Variants in SMARCA4 observed in about 807,000 individuals in gnomAD.
The protein encoded by SMARCA4 is SWI/SNF-related matrix-associated actin-dependent regulator of chromatin subfamily A member 4.
Under a neutral mutation model 193.9 loss-of-function variants are expected in SMARCA4, and 31 were observed. The ratio of observed to expected loss-of-function variants is 0.16; its 90% CI spans 0.12 to 0.22. The LOEUF (loss-of-function observed/expected upper bound fraction) is 0.22, where lower values mean the gene tolerates loss of function less well. Ranked by LOEUF, SMARCA4 falls within the 10% of genes least tolerant of loss-of-function variation. The pLI, the probability that SMARCA4 is intolerant of heterozygous loss-of-function variation, is 1.00. For missense variants in SMARCA4, 1,148 were observed against 2,296.0 expected, an observed-to-expected ratio of 0.50 and a Z score of 10.22; for synonymous variants, 942 against 933.1, an observed-to-expected ratio of 1.01 and a Z score of -0.17.
At position 11,062,112 on chromosome 19, in the gene SMARCA4, C is replaced by T. The variant is rs1204409948; in HGVS notation, c.*296C>T. ...TTTTCCGTTGCTGGCAGTACTGTTGCGCCGCAGTTTGGAGTCACTGTAGTT... is the reference window on the plus strand; with the variant it reads ...TTTTCCGTTGCTGGCAGTACTGTTGTGCCGCAGTTTGGAGTCACTGTAGTT... On this transcript the variant is annotated 3_prime_UTR_variant, in exon 35 of 35. Transcript: ENST00000344626. 4 of 505,858 alleles carry T rather than the reference C, an allele frequency of 7.9e-6. No homozygotes were observed. The highest frequency in any genetic ancestry group is 3.4e-5 in the East Asian group (1 of 29,690). 31.3% of individuals were successfully genotyped at this position (505,858 alleles called of 1,614,324 possible). A position where few individuals can be genotyped will look rare whatever the true frequency, so the allele number is the denominator to read the frequency against.
chr19:10,982,007 T>A (rs915867568), intron 1 of SMARCA4, among the ~76,000 whole-genome samples: 10 of 151,782 alleles, frequency 6.6e-5, no homozygotes, highest in African/African-American at 2.4e-4. Context: ...AACCCCTACC[T>A]TTCAAATTAA....
Position 11,033,514 on chromosome 19 carries a change from T to G in SMARCA4, c.3771T>G (p.Asp1257Glu). 1 of 1,611,882 alleles carries G rather than the reference T, an allele frequency of 6.2e-7. No individual in the cohort carries two copies. The highest frequency in any genetic ancestry group is 8.5e-7 in the Non-Finnish European group (1 of 1,178,964). ...CCATCCTGGAGCACGAGGAGCAGGATGAGGTGAGCCCAGCACCGGCCCCGA... is the reference window on the plus strand; with the variant it reads ...CCATCCTGGAGCACGAGGAGCAGGAGGAGGTGAGCCCAGCACCGGCCCCGA... The part of the protein sequence containing the change: ...LQAILEHEEQ[D>E]ESRHCSTGSG... The change falls in exon 26 of 35, where the codon GAT becomes GAG. Residue 1257 changes from aspartate to glutamate, a missense_variant. Transcript: ENST00000344626. The surrounding 1 kb of genome is among the most constrained non-coding windows in gnomAD (Gnocchi z 9.8).
intron 14 of SMARCA4, 38 bp downstream of exon 14, chr19:11,008,061 C>T (rs2146195823): frequency 6.2e-7 from 1 of 1,604,012 alleles, no homozygotes; most frequent in Non-Finnish European, 8.5e-7. Context: ...GTGCCAGCTT[C>T]CTGTGAGGTG....
Position 11,037,212 on chromosome 19 carries a change from T to C in SMARCA4, c.4170+2080T>C, listed in dbSNP as rs2075317304. On this transcript the variant is annotated intron_variant, in intron 29 of 34. Transcript: ENST00000344626. The stretch of plus-strand genomic sequence containing the variant: ...TTGCCGGAACAATGTTAGTTCTCTA[T>C]TTAACCTTTTGAGGGACCCCAGCCT... 3.3e-5 allele frequency among the ~76,000 whole-genome samples: 5 copies of C among 152,378 alleles called. No individual in the cohort carries two copies. The South Asian group carries it at 1.0e-3, about 32-fold the overall frequency.
At position 10,984,329 on chromosome 19, in the gene SMARCA4, G is replaced by T. The variant is rs1307434805; in HGVS notation, c.178G>T (p.Gly60Trp). The T allele has an allele frequency of 6.2e-7, 1 of 1,601,038 alleles. No individual in the cohort carries two copies. The highest frequency in any genetic ancestry group is 2.3e-5 in the East Asian group (1 of 44,130). Reference sequence around the variant, plus strand: ...AGCAGGACACCCCATCCCCACCCAGGGGCCTGGAGGGTACCCTCAGGACAA... The same window carrying T: ...AGCAGGACACCCCATCCCCACCCAGTGGCCTGGAGGGTACCCTCAGGACAA... ...PSAGHPIPTQ[G>W]PGGYPQDNMH... is the part of the protein sequence containing the mutation. Residue 60 changes from glycine (G) to tryptophan (W), a missense_variant, in exon 2 of 35, where the codon GGG becomes TGG. Around this residue, in one of 17 missense-constraint regions of SMARCA4, gnomAD observed 201 missense variants for 248.3 expected, o/e 0.81. Coordinates refer to ENST00000344626, the MANE Select transcript of SMARCA4 (RefSeq NM_003072.5). This position sits in a 1 kb window ranked among gnomAD's most constrained non-coding sequence, Gnocchi z 4.3.
chr19:11,034,829 C>A lies in SMARCA4; in HGVS notation c.3952-85C>A. The A allele has an allele frequency of 3.4e-6, 3 of 883,558 alleles. No individual in the cohort carries two copies. The highest frequency in any genetic ancestry group is 5.4e-6 in the Non-Finnish European group (3 of 551,136). The allele number at this position is 883,558 out of a possible 1,614,324, so 54.7% of individuals were successfully genotyped here. A position where few individuals can be genotyped will look rare whatever the true frequency, so the allele number is the denominator to read the frequency against. On this transcript the variant is annotated intron_variant, in intron 28 of 34. Coordinates refer to ENST00000344626, the MANE Select transcript of SMARCA4 (RefSeq NM_003072.5). This position sits in a 1 kb window ranked among gnomAD's most constrained non-coding sequence, Gnocchi z 7.0. ...TGGAGCCCCACGGGCAGAGAAAGGC[C>A]CTTCTGAACTCTCGGTGTTCTGGCT...
At position 11,021,624 on chromosome 19, in the gene SMARCA4, C is replaced by A. The variant is rs763719598; in HGVS notation, c.2617-101C>A. The stretch of plus-strand genomic sequence containing the variant: ...CTCTCCACCCAGCTGCGCTCTTCCA[C>A]CTGGAGCCTTCCTGGCTGCTGGGCG... On this transcript the variant is annotated intron_variant, in intron 18 of 34. Transcript: ENST00000344626. 4.8e-6 allele frequency: 7 copies of A among 1,449,762 alleles called. No individual in the cohort carries two copies. In the African/African-American group the frequency reaches 8.4e-5, roughly 17 times the overall value. 89.8% of individuals were successfully genotyped at this position (1,449,762 alleles called of 1,614,324 possible). A position where few individuals can be genotyped will look rare whatever the true frequency, so the allele number is the denominator to read the frequency against.
Position 11,041,268 on chromosome 19 carries a change from G to A in SMARCA4, c.4171-39G>A, listed in dbSNP as rs2146810620. ...GTCGCGGCCTCTGCTTGTCGACCTG[G>A]GTGCTGGCTGTCCTATTTTACTACT... On this transcript the variant is annotated intron_variant, in intron 29 of 34. Coordinates refer to ENST00000344626, the MANE Select transcript of SMARCA4 (RefSeq NM_003072.5). The surrounding 1 kb of genome is among the most constrained non-coding windows in gnomAD (Gnocchi z 5.6). 1.3e-6 allele frequency: 2 copies of A among 1,577,820 alleles called. No homozygotes were observed. The highest frequency in any genetic ancestry group is 1.7e-6 in the Non-Finnish European group (2 of 1,160,368).
Position 11,027,661 on chromosome 19 carries a change from A to T in SMARCA4, c.3216-123A>T. The T allele has an allele frequency of 4.9e-6, 5 of 1,016,822 alleles. No homozygotes were observed. In the Admixed American group the frequency reaches 8.9e-5, roughly 18 times the overall value. The allele number at this position is 1,016,822 out of a possible 1,614,324, so 63.0% of individuals were successfully genotyped here. A position where few individuals can be genotyped will look rare whatever the true frequency, so the allele number is the denominator to read the frequency against. ...GGTGGGTGACGTCTGCTTAGGATGC[A>T]TGTCTGTGCCCTTGAACCCGGCGCC... is the stretch of plus-strand genomic sequence containing the variant. On this transcript the variant is annotated intron_variant, in intron 23 of 34. Coordinates refer to ENST00000344626, the MANE Select transcript of SMARCA4 (RefSeq NM_003072.5).
chr19:11,011,002 C>T (rs779407191), intron 15 of SMARCA4: 7 of 243,882 alleles, frequency 2.9e-5, no homozygotes, highest in African/African-American at 1.1e-4. Flanking sequence ...CCCTGGACTC[C>T]GCTCTTTCTT....
At chr19:11,006,121 TGCAGATCATATTTTTAAA>T (rs1363367240) in intron 13 of SMARCA4, among the ~76,000 whole-genome samples, 1 of 152,262 alleles carries the variant, frequency 6.6e-6, no homozygotes, top group African/African-American at 2.4e-5. Context: ...ACAGATTAAT[TGCAGATCATATTTTTAAA>T]GCTTTGTAGC....
rs187901637 is a variant in SMARCA4, at chr19:11,016,494, C to T, written c.2439-2463C>T. ...CTCTACAAATTAATTGGAATTCCACCGTTAGGAAGAGCTTTCCCGTCTCCC... is the reference window on the plus strand; with the variant it reads ...CTCTACAAATTAATTGGAATTCCACTGTTAGGAAGAGCTTTCCCGTCTCCC... On this transcript the variant is annotated intron_variant, in intron 16 of 34. Transcript: ENST00000344626. 4.6e-5 allele frequency among the ~76,000 whole-genome samples: 7 copies of T among 152,292 alleles called. 1 individual carries two copies. Among genetic ancestry groups the T allele is most frequent in the Admixed American group, 6.5e-5 (1 of 15,298 alleles).
At chr19:11,003,007 C>A in intron 11 of SMARCA4, 22 bp from the exon 12 acceptor site, 2 of 1,613,790 alleles carry the variant, frequency 1.2e-6, no homozygotes, top group South Asian at 1.1e-5. Flanking sequence ...ACCTCAGTGT[C>A]ACACGAATGA....
In SMARCA4 at chr19:10,977,362, T is replaced by C. The variant is rs113153673; in HGVS notation, c.-31-6759T>C. ...TTTTTGAGATGAACTCTTGCTCTGTTGCCCAGGCTGGAGTGCAGTGGTGTG... is the reference window on the plus strand; with the variant it reads ...TTTTTGAGATGAACTCTTGCTCTGTCGCCCAGGCTGGAGTGCAGTGGTGTG... On this transcript the variant is annotated intron_variant, in intron 1 of 34. Transcript: ENST00000344626. Among the ~76,000 whole-genome samples the C allele has an allele frequency of 5.5e-3, 835 of 152,176 alleles. 14 individuals are homozygous for C. The highest frequency in any genetic ancestry group is 0.017 in the African/African-American group (718 of 41,504).
At position 10,986,761 on chromosome 19, in the gene SMARCA4, C is replaced by T. The variant is rs1488968936; in HGVS notation, c.761-144C>T. On this transcript the variant is annotated intron_variant, in intron 4 of 34. Coordinates refer to ENST00000344626, the MANE Select transcript of SMARCA4 (RefSeq NM_003072.5). This position sits in a 1 kb window ranked among gnomAD's most constrained non-coding sequence, Gnocchi z 6.7. ...GGGTGGTGGGGGCAGCTAAATGCTG[C>T]TTCCCCAGCTCCCCGCTTCCCCTGG... 4.8e-5 allele frequency: 58 copies of T among 1,209,712 alleles called. No individual in the cohort carries two copies. The highest frequency in any genetic ancestry group is 6.5e-5 in the Non-Finnish European group (55 of 848,506). 74.9% of individuals were successfully genotyped at this position (1,209,712 alleles called of 1,614,324 possible). A position where few individuals can be genotyped will look rare whatever the true frequency, so the allele number is the denominator to read the frequency against.
chr19:11,038,391 T>TG (rs1181270067), intron 29 of SMARCA4, among the ~76,000 whole-genome samples: 2 of 152,098 alleles, frequency 1.3e-5, no homozygotes, highest in Admixed American at 6.6e-5. Flanking sequence ...GACATGAGTC[T>TG]GGGGGGCACC....
chr19:10,986,672 T>C lies in SMARCA4; in HGVS notation c.760+79T>C, dbSNP rs2086073720. Reference sequence around the variant, plus strand: ...GGGTGGCGGGGTGGACAGACCGTGCTCTGTTGCCGACTGGGTTCCCCGGTT... The same window carrying C: ...GGGTGGCGGGGTGGACAGACCGTGCCCTGTTGCCGACTGGGTTCCCCGGTT... On this transcript the variant is annotated intron_variant, in intron 4 of 34. Coordinates refer to ENST00000344626, the MANE Select transcript of SMARCA4 (RefSeq NM_003072.5). This position sits in a 1 kb window ranked among gnomAD's most constrained non-coding sequence, Gnocchi z 6.7. The C allele has an allele frequency of 4.6e-6, 7 of 1,529,904 alleles. No homozygotes were observed. In the East Asian group the frequency reaches 1.7e-4, roughly 37 times the overall value. 94.8% of individuals were successfully genotyped at this position (1,529,904 alleles called of 1,614,324 possible). A position where few individuals can be genotyped will look rare whatever the true frequency, so the allele number is the denominator to read the frequency against.
At position 10,962,541 on chromosome 19, in the gene SMARCA4, G is replaced by A. The variant is rs73500651; in HGVS notation, c.-32+1367G>A. On this transcript the variant is annotated intron_variant, in intron 1 of 34. Coordinates refer to ENST00000344626, the MANE Select transcript of SMARCA4 (RefSeq NM_003072.5). ...GGGGCCTCAAAATCAGGGAGGGTGT[G>A]TAGGATTGTATTTTGTTTTTGAGGC... Among the ~76,000 whole-genome samples the A allele has an allele frequency of 6.9e-3, 1,048 of 152,134 alleles. 12 individuals carry two copies. Among genetic ancestry groups the A allele is most frequent in the African/African-American group, 0.022 (913 of 41,486 alleles).
At chr19:11,053,573 A>G (rs1221566072) in intron 30 of SMARCA4, among the ~76,000 whole-genome samples, 2 of 152,186 alleles carry the variant, frequency 1.3e-5, no homozygotes, top group Non-Finnish European at 2.9e-5. Context: ...GAACAGTGGC[A>G]GAACTGAGCA....
Sources: allele counts gnomAD v4.1 joint callset (sites outside exome capture counted in the v4.1 genomes callset), GRCh38; gene constraint gnomAD v4.1.1; regional missense constraint gnomAD v4.1.1; non-coding constraint Gnocchi (gnomAD v3.1); transcripts MANE v1.5; gene names NCBI Gene and HGNC (gene_info 2026-07-23, HGNC 2026-07-21).